Variants in RAB27B observed in about 807,000 individuals in gnomAD.
RAB27B encodes the protein ras-related protein Rab-27B.
RAB27B carries 15 observed loss-of-function variants against 24.6 expected under a neutral mutation model. The observed-to-expected ratio is 0.61, with a 90% CI of 0.41 to 0.94. The LOEUF is 0.94. Ranked by LOEUF, RAB27B falls within the 40% of genes least tolerant of loss-of-function variation. RAB27B has a pLI of 0.00. For missense variants in RAB27B, 261 were observed against 266.8 expected (o/e 0.98, Z 0.15); for synonymous variants, 105 against 92.5 (o/e 1.14, Z -0.78).
At chr18:54,769,197 C>A (rs928842420) in intron 2 of RAB27B, among the ~76,000 whole-genome samples, 5 of 152,068 alleles carry the variant, frequency 3.3e-5, no homozygotes, top group Non-Finnish European at 7.4e-5. Flanking sequence ...GATAAATAAA[C>A]CCATTCCAAA....
At chr18:54,736,642 T>C (rs1909904588) in intron 2 of RAB27B, among the ~76,000 whole-genome samples, 1 of 152,170 alleles carries the variant, frequency 6.6e-6, no homozygotes, top group Non-Finnish European at 1.5e-5. Flanking sequence ...TCTGGGTGTG[T>C]GTGTGGAGGA....
chr18:54,879,079 C>G (rs895246420), intron 2 of RAB27B, among the ~76,000 whole-genome samples: 2 of 152,062 alleles, frequency 1.3e-5, no homozygotes, highest in Non-Finnish European at 2.9e-5. Flanking sequence ...TGTATTTGAA[C>G]CTAGAACTTG....
At chr18:54,768,039 A>G (rs1908420167) in intron 2 of RAB27B, among the ~76,000 whole-genome samples, 1 of 152,124 alleles carries the variant, frequency 6.6e-6, no homozygotes, top group South Asian at 2.1e-4. Flanking sequence ...GGAAAGCAAT[A>G]ATTACAGTAC....
At position 54,839,152 on chromosome 18, in the gene RAB27B, T is replaced by A. The variant is rs72924740; in HGVS notation, c.-20+10452T>A. 9.5e-3 allele frequency among the ~76,000 whole-genome samples: 1,450 copies of A among 152,264 alleles called. 16 individuals carry two copies. Among genetic ancestry groups the A allele is most frequent in the Non-Finnish European group, 0.017 (1,131 of 67,986 alleles). Reference sequence around the variant, plus strand: ...GAAAATATGCATTGATGTTAAACCCTTGACTAAAGACTGACAATAAGCAAC... The same window carrying A: ...GAAAATATGCATTGATGTTAAACCCATGACTAAAGACTGACAATAAGCAAC... On this transcript the variant is annotated intron_variant, in intron 1 of 5. Transcript: ENST00000262094.
At chr18:54,772,000 C>A (rs953632797) in intron 2 of RAB27B, among the ~76,000 whole-genome samples, 9 of 152,192 alleles carry the variant, frequency 5.9e-5, no homozygotes, top group Admixed American at 2.6e-4. Context: ...TTGACTCACA[C>A]ACATTCAACC....
chr18:54,871,415 A>T (rs1049451399), intron 1 of RAB27B, among the ~76,000 whole-genome samples: 1 of 152,218 alleles, frequency 6.6e-6, no homozygotes, highest in African/African-American at 2.4e-5. Context: ...TGAGAGTTCC[A>T]GATCTGAAAA....
At chr18:54,853,135 G>T (rs1421149921) in intron 1 of RAB27B, among the ~76,000 whole-genome samples, 1 of 152,166 alleles carries the variant, frequency 6.6e-6, no homozygotes, top group African/African-American at 2.4e-5. Flanking sequence ...GTTCAGTAAA[G>T]GTTGGATGAA....
intron 2 of RAB27B, among the ~76,000 whole-genome samples, chr18:54,747,123 C>T (rs1032913004): frequency 6.6e-6 from 1 of 152,148 alleles, no homozygotes; most frequent in Non-Finnish European, 1.5e-5. Flanking sequence ...GGCTTTGTTA[C>T]ACCCCAGCCT....
At position 54,728,886 on chromosome 18, in the gene RAB27B, AAAAAAAAAAAAAAACCC is replaced by A. The variant is rs1461028723; in HGVS notation, c.-20+10760_-20+10776del. Among the ~76,000 whole-genome samples the A allele has an allele frequency of 6.0e-5, 6 of 99,338 alleles. No homozygotes were observed. In the East Asian group the frequency reaches 1.3e-3, roughly 21 times the overall value. The allele number at this position is 99,338 out of a possible 152,430, so 65.2% of individuals were successfully genotyped here. A position where few individuals can be genotyped will look rare whatever the true frequency, so the allele number is the denominator to read the frequency against. On this transcript the variant is annotated intron_variant, in intron 2 of 4. Transcript: ENST00000586570. The stretch of plus-strand genomic sequence containing the variant: ...GTAAGACTCTGTCTCAAAAAAAAAA[AAAAAAAAAAAAAAACCC>A]AAAAAAAAAAAAAAAAAAAACCACC...
chr18:54,731,666 T>C (rs1402274424), intron 2 of RAB27B, among the ~76,000 whole-genome samples: 1 of 152,102 alleles, frequency 6.6e-6, no homozygotes, highest in African/African-American at 2.4e-5. Context: ...AGAGTGAAAT[T>C]CCATCTCAAA....
At chr18:54,734,271 T>G (rs1263946368) in intron 2 of RAB27B, among the ~76,000 whole-genome samples, 1 of 152,108 alleles carries the variant, frequency 6.6e-6, no homozygotes, top group Non-Finnish European at 1.5e-5. Flanking sequence ...CTCACTCCAC[T>G]GTAGAGTCGG....
intron 1 of RAB27B, among the ~76,000 whole-genome samples, chr18:54,863,440 G>A (rs903764043): frequency 6.6e-6 from 1 of 152,138 alleles, no homozygotes; most frequent in African/African-American, 2.4e-5. Flanking sequence ...CATTGTGGAG[G>A]TAGGCCTGAA....
At chr18:54,850,064 C>A (rs1183388837) in intron 1 of RAB27B, among the ~76,000 whole-genome samples, 3 of 151,550 alleles carry the variant, frequency 2.0e-5, no homozygotes, top group Non-Finnish European at 4.4e-5. Flanking sequence ...TGTATTAAGA[C>A]CCCCAAATCT....
intron 2 of RAB27B, among the ~76,000 whole-genome samples, chr18:54,720,209 G>A (rs908751362): frequency 1.3e-5 from 2 of 152,082 alleles, no homozygotes; most frequent in Non-Finnish European, 2.9e-5. Flanking sequence ...AAATGAATTT[G>A]TTAGAATGTA....
At chr18:54,780,326 G>GC (rs11401805) in intron 2 of RAB27B, among the ~76,000 whole-genome samples, 97,607 of 99,574 alleles carry the variant, frequency 0.98, 47,872 homozygotes, top group Non-Finnish European at 0.98. Context: ...TGAAGGCTTC[G>GC]CCTCACCGTG....
Position 54,879,384 on chromosome 18 carries a change from G to A in RAB27B, c.169G>A (p.Gly57Arg), listed in dbSNP as rs775038590. 7.6e-5 allele frequency: 122 copies of A among 1,612,100 alleles called. No individual in the cohort carries two copies. The East Asian group carries it at 2.4e-3, about 32-fold the overall frequency. Residue 57 changes from glycine (G) to arginine (R), a missense_variant, in exon 3 of 6, where the codon GGA (glycine) becomes AGA (arginine). Transcript: ENST00000262094. ...TATCTTTCAGGTTTATAATGCACAA[G>A]GACCGAATGGATCTTCAGGGAAAGC... ...REKRVVYNAQ[G>R]PNGSSGKAFK... is the part of the protein sequence containing the mutation.
chr18:54,789,597 A>G (rs1359423795), intron 2 of RAB27B, among the ~76,000 whole-genome samples: 1 of 152,094 alleles, frequency 6.6e-6, no homozygotes, highest in Non-Finnish European at 1.5e-5. Flanking sequence ...CTGTCTTCCA[A>G]CACAAAATAA....
intron 1 of RAB27B, among the ~76,000 whole-genome samples, chr18:54,848,618 A>C (rs190823881): frequency 6.6e-6 from 1 of 152,256 alleles, no homozygotes; most frequent in Non-Finnish European, 1.5e-5. Flanking sequence ...TAACAAATAC[A>C]ATTAAATGGA....
intron 2 of RAB27B, among the ~76,000 whole-genome samples, chr18:54,743,779 T>A (rs1858826490): frequency 6.6e-6 from 1 of 152,186 alleles, no homozygotes; most frequent in African/African-American, 2.4e-5. Context: ...TTGATAGAAC[T>A]GTGGCCTTTA....
Sources: allele counts gnomAD v4.1 joint callset (sites outside exome capture counted in the v4.1 genomes callset), GRCh38; gene constraint gnomAD v4.1.1; transcripts MANE v1.5; gene names NCBI Gene and HGNC (gene_info 2026-07-23, HGNC 2026-07-21).